The following SMYD3 variants were observed in gnomAD, a reference collection of about 807,000 sequenced individuals.
The protein encoded by SMYD3 is histone-lysine N-methyltransferase SMYD3.
SMYD3 carries 36 observed loss-of-function variants against 57.7 expected under a neutral mutation model. That is an observed-to-expected ratio of 0.62 (90% confidence interval 0.48 to 0.82). The LOEUF is 0.82. SMYD3 is among the 40% of genes least tolerant of loss of function. The probability of loss-of-function intolerance (pLI) is 0.00; values close to 1 mark genes in which losing one functional copy is unlikely to be tolerated. For missense variants in SMYD3, 515 were observed against 538.8 expected (o/e 0.96, Z 0.44); for synonymous variants, 211 against 195.0 (o/e 1.08, Z -0.68).
chr1:246,417,752 CTTA>C (rs1009849227), intron 1 of SMYD3, among the ~76,000 whole-genome samples: 6 of 152,172 alleles, frequency 3.9e-5, no homozygotes, highest in South Asian at 2.1e-4. Context: ...CTTCACTGTG[CTTA>C]TTACTTAGCA....
chr1:245,784,936 G>A (rs759573589), intron 10 of SMYD3, among the ~76,000 whole-genome samples: 5 of 142,754 alleles, frequency 3.5e-5, no homozygotes, highest in Non-Finnish European at 6.0e-5. Context: ...TGCAACCTCC[G>A]CCTCCCGGGT....
At chr1:246,491,125 A>T (rs914190149) in intron 1 of SMYD3, among the ~76,000 whole-genome samples, 1 of 152,242 alleles carries the variant, frequency 6.6e-6, no homozygotes, top group Non-Finnish European at 1.5e-5. Flanking sequence ...AGTGAGAGTA[A>T]GTATGACCGG....
intron 5 of SMYD3, among the ~76,000 whole-genome samples, chr1:246,235,758 TTTTCAAGGGGTTCACTGACCC>T (rs1432053930): frequency 6.6e-6 from 1 of 152,138 alleles, no homozygotes; most frequent in Admixed American, 6.5e-5. Context: ...CCTTGGGGTC[TTTTCAAGGGGTTCACTGACCC>T]TACAAGCTCT....
intron 10 of SMYD3, among the ~76,000 whole-genome samples, chr1:245,793,074 G>T (rs545992546): frequency 2.0e-3 from 101 of 50,998 alleles, no homozygotes; most frequent in Non-Finnish European, 3.6e-3. Context: ...ACTTTGGGAG[G>T]CCGAGGCGGG....
chr1:246,427,327 C>T (rs575788482), intron 1 of SMYD3, among the ~76,000 whole-genome samples: 11 of 151,470 alleles, frequency 7.3e-5, no homozygotes, highest in South Asian at 2.1e-4. Context: ...GAGACCATCC[C>T]GGCTAAAACG....
At chr1:245,856,754 T>A (rs1168811096) in intron 10 of SMYD3, among the ~76,000 whole-genome samples, 1 of 152,058 alleles carries the variant, frequency 6.6e-6, no homozygotes, top group Non-Finnish European at 1.5e-5. Flanking sequence ...AGCCTGAGTG[T>A]CGAAAGGGAG....
intron 5 of SMYD3, among the ~76,000 whole-genome samples, chr1:245,969,733 A>G (rs1286899955): frequency 1.3e-5 from 2 of 152,222 alleles, no homozygotes; most frequent in Non-Finnish European, 2.9e-5. Flanking sequence ...TTGAAATTCA[A>G]ACTACATTAG....
chr1:246,079,348 G>T (rs1396242812), intron 5 of SMYD3, among the ~76,000 whole-genome samples: 1 of 152,190 alleles, frequency 6.6e-6, no homozygotes, highest in Non-Finnish European at 1.5e-5. Context: ...AACAATTTAA[G>T]GAATTTTGAA....
chr1:246,419,309 T>C (rs1313203090), intron 1 of SMYD3, among the ~76,000 whole-genome samples: 1 of 152,242 alleles, frequency 6.6e-6, no homozygotes, highest in Non-Finnish European at 1.5e-5. Context: ...AAAGCTTTAT[T>C]GCTCACACAA....
chr1:246,039,912 G>A (rs12084862), intron 5 of SMYD3, among the ~76,000 whole-genome samples: 60,524 of 152,012 alleles, frequency 0.4, 14,410 homozygotes, highest in East Asian at 0.82. Context: ...ATGAGAAGAA[G>A]AGTGGCTAAG....
intron 8 of SMYD3, among the ~76,000 whole-genome samples, chr1:245,914,814 C>G (rs981021148): frequency 6.6e-6 from 1 of 152,150 alleles, no homozygotes; most frequent in Non-Finnish European, 1.5e-5. Flanking sequence ...TGATTTGATA[C>G]TACACATAGT....
chr1:246,345,197 TA>T (rs1182019830), intron 2 of SMYD3, among the ~76,000 whole-genome samples: 1 of 152,240 alleles, frequency 6.6e-6, no homozygotes, highest in Non-Finnish European at 1.5e-5. Flanking sequence ...TTTATAGTTT[TA>T]GCCTTTAAGT....
chr1:245,828,859 C>T lies in SMYD3; in HGVS notation c.1076+29637G>A, dbSNP rs141773495. On this transcript the variant is annotated intron_variant, in intron 10 of 11. Transcript: ENST00000490107. ...CTGGGATTACAGGCATGAGCCCCCA[C>T]GCCCAGCTAATCTTTGTATTTTTAG... Among the ~76,000 whole-genome samples the T allele has an allele frequency of 1.1e-3, 172 of 152,232 alleles. 1 individual carries two copies. Among genetic ancestry groups the T allele is most frequent in the African/African-American group, 3.7e-3 (155 of 41,558 alleles).
chr1:246,269,360 T>C (rs1014276939), intron 5 of SMYD3, among the ~76,000 whole-genome samples: 2 of 152,122 alleles, frequency 1.3e-5, no homozygotes, highest in African/African-American at 2.4e-5. Context: ...ATGACACTGA[T>C]ATTATGTTCT....
Position 246,357,091 on chromosome 1 carries a change from C to T in SMYD3, c.165-1997G>A, listed in dbSNP as rs1039930233. 1.4e-4 allele frequency among the ~76,000 whole-genome samples: 21 copies of T among 152,292 alleles called. 1 individual carries two copies. The highest frequency in any genetic ancestry group is 8.3e-4 in the South Asian group (4 of 4,822). Reference sequence around the variant, plus strand: ...GCAACAGCAGATTTCTGAGCAGAAACTGTCAGAGGCATGCATGTGAACCAG... The same window carrying T: ...GCAACAGCAGATTTCTGAGCAGAAATTGTCAGAGGCATGCATGTGAACCAG... On this transcript the variant is annotated intron_variant, in intron 1 of 11. Transcript: ENST00000490107.
chr1:246,174,090 A>G (rs558041081), intron 5 of SMYD3, among the ~76,000 whole-genome samples: 1 of 152,330 alleles, frequency 6.6e-6, no homozygotes, highest in Non-Finnish European at 1.5e-5. Context: ...GACTACAGGC[A>G]TGAGCCACTG....
intron 8 of SMYD3, among the ~76,000 whole-genome samples, chr1:245,893,000 A>G (rs932702472): frequency 6.6e-6 from 1 of 152,262 alleles, no homozygotes; most frequent in African/African-American, 2.4e-5. Context: ...ACCTGTGTAC[A>G]GGATAAAGAA....
At chr1:246,209,631 T>C (rs976490979) in intron 5 of SMYD3, among the ~76,000 whole-genome samples, 4 of 152,142 alleles carry the variant, frequency 2.6e-5, no homozygotes, top group Non-Finnish European at 5.9e-5. Flanking sequence ...CTTGTTCTTT[T>C]GCTTTTTGTT....
chr1:246,424,723 T>C (rs914204228), intron 1 of SMYD3, among the ~76,000 whole-genome samples: 4 of 152,224 alleles, frequency 2.6e-5, no homozygotes, highest in Non-Finnish European at 4.4e-5. Context: ...AAATAAGTTT[T>C]TGAACTACTA....
Sources: gnomAD v4.1 joint callset for allele counts (sites outside exome capture counted in the v4.1 genomes callset) on GRCh38, gnomAD v4.1.1 for gene constraint, MANE v1.5 for transcripts, NCBI Gene and HGNC (gene_info 2026-07-23, HGNC 2026-07-21) for gene names.